Variants in CTNNA2 observed in about 807,000 individuals in gnomAD.
CTNNA2 encodes the protein catenin alpha 2.
In CTNNA2, 42 loss-of-function variants were observed where a neutral mutation model predicts 101.0. The ratio of observed to expected loss-of-function variants is 0.42; its 90% CI spans 0.32 to 0.54. CTNNA2 has a LOEUF of 0.54. Among genes scored for constraint, CTNNA2 ranks in the 20% least tolerant of loss-of-function variants. The probability of loss-of-function intolerance (pLI) is 0.14; values close to 1 mark genes in which losing one functional copy is unlikely to be tolerated. For synonymous variants in CTNNA2, 450 were observed against 456.4 expected (o/e 0.99, Z 0.18); for missense variants, 871 against 1,223.1 (o/e 0.71, Z 4.29).
At chr2:80,075,365 AGCCATTTCACTCT>A (rs1226457514) in intron 7 of CTNNA2, among the ~76,000 whole-genome samples, 1 of 151,812 alleles carries the variant, frequency 6.6e-6, no homozygotes, top group Non-Finnish European at 1.5e-5. Flanking sequence ...CCAACTTACT[AGCCATTTCACTCT>A]TGGCAGTTCA....
At chr2:79,773,424 C>T (rs1454919289) in intron 3 of CTNNA2, among the ~76,000 whole-genome samples, 3 of 152,146 alleles carry the variant, frequency 2.0e-5, no homozygotes, top group South Asian at 2.1e-4. Flanking sequence ...ATATGTCTCC[C>T]GTTCAGAAAT....
chr2:79,243,054 G>A (rs113389217), intron 2 of CTNNA2, among the ~76,000 whole-genome samples: 1,460 of 138,176 alleles, frequency 0.011, 25 homozygotes, highest in African/African-American at 0.038. Context: ...TAAAACAGAC[G>A]CAAAGAAATA....
At chr2:79,303,561 A>G (rs576675500) in intron 2 of CTNNA2, among the ~76,000 whole-genome samples, 6 of 152,174 alleles carry the variant, frequency 3.9e-5, no homozygotes, top group South Asian at 4.2e-4. Flanking sequence ...CCCTCTCACA[A>G]GAAACTTATT....
At chr2:80,470,333 G>C (rs1167380975) in intron 9 of CTNNA2, among the ~76,000 whole-genome samples, 1 of 152,130 alleles carries the variant, frequency 6.6e-6, no homozygotes, top group Non-Finnish European at 1.5e-5. Flanking sequence ...ACAGGGCTGG[G>C]GATGGAAAGG....
chr2:79,631,854 A>G (rs75708438), intron 1 of CTNNA2, among the ~76,000 whole-genome samples: 83 of 152,302 alleles, frequency 5.4e-4, no homozygotes, highest in Middle Eastern at 3.4e-3. Flanking sequence ...TGTGGTTATT[A>G]GTATTGTAAG....
intron 3 of CTNNA2, among the ~76,000 whole-genome samples, chr2:79,752,161 C>T (rs1200988744): frequency 4.0e-5 from 6 of 151,666 alleles, no homozygotes; most frequent in Non-Finnish European, 7.4e-5. Flanking sequence ...AAGTACTTGC[C>T]AATAGAGAGA....
intron 4 of CTNNA2, among the ~76,000 whole-genome samples, chr2:79,469,973 A>T (rs1670980422): frequency 2.0e-5 from 3 of 152,230 alleles, no homozygotes; most frequent in African/African-American, 4.8e-5. Context: ...CTGGCACAAG[A>T]CAGGGATGCC....
chr2:80,421,015 G>A (rs963857212), intron 9 of CTNNA2, among the ~76,000 whole-genome samples: 14 of 152,092 alleles, frequency 9.2e-5, no homozygotes, highest in African/African-American at 2.7e-4. Context: ...CTACATGCTC[G>A]GAGAGTTCAC....
chr2:79,460,450 A>G (rs1366567764), intron 4 of CTNNA2, among the ~76,000 whole-genome samples: 1 of 152,104 alleles, frequency 6.6e-6, no homozygotes, highest in African/African-American at 2.4e-5. Flanking sequence ...CTTTTTATAT[A>G]TTTCTCCTAC....
chr2:79,954,661 A>G (rs905884927), intron 7 of CTNNA2, among the ~76,000 whole-genome samples: 1 of 152,170 alleles, frequency 6.6e-6, no homozygotes, highest in African/African-American at 2.4e-5. Context: ...AACAAAAAGA[A>G]TCTGTGAGTC....
At chr2:79,961,139 A>G (rs6727333) in intron 7 of CTNNA2, among the ~76,000 whole-genome samples, 12,006 of 152,268 alleles carry the variant, frequency 0.079, 1,572 homozygotes, top group African/African-American at 0.27. Context: ...AGGATGTATT[A>G]TATTTAAGAT....
intron 2 of CTNNA2, among the ~76,000 whole-genome samples, chr2:79,724,548 G>A (rs1245227190): frequency 6.6e-6 from 1 of 152,078 alleles, no homozygotes; most frequent in Non-Finnish European, 1.5e-5. Flanking sequence ...TGGCGCGGTG[G>A]CTCACGCCTG....
rs1355855131 is a variant in CTNNA2 at position 79,295,923 on chromosome 2, C to T, written c.-405-16786C>T. The stretch of plus-strand genomic sequence containing the variant: ...TGTGGGGAAATTTTGTTTTCCTCAA[C>T]AAAATTGTGGGGAAATTTTGTTTTC... On this transcript the variant is annotated intron_variant, in intron 2 of 21. Transcript: ENST00000466387. Among the ~76,000 whole-genome samples the T allele has an allele frequency of 2.0e-5, 3 of 152,168 alleles. 1 individual carries two copies. In the East Asian group the frequency reaches 5.8e-4, roughly 30 times the overall value.
chr2:79,475,488 A>G (rs906305107), intron 4 of CTNNA2, among the ~76,000 whole-genome samples: 20 of 152,210 alleles, frequency 1.3e-4, no homozygotes, highest in Admixed American at 1.1e-3. Context: ...AATAAAGCAG[A>G]TTTGATTTGT....
At chr2:80,401,313 G>A (rs1431327176) in intron 8 of CTNNA2, among the ~76,000 whole-genome samples, 2 of 152,078 alleles carry the variant, frequency 1.3e-5, no homozygotes, top group African/African-American at 4.8e-5. Flanking sequence ...TCATCAACTT[G>A]CCTCCATTCT....
intron 18 of CTNNA2, among the ~76,000 whole-genome samples, chr2:80,634,653 A>G (rs2149838616): frequency 6.6e-6 from 1 of 152,252 alleles, no homozygotes; most frequent in African/African-American, 2.4e-5. Context: ...AACGGGGTAA[A>G]GGGTGGGAAG....
At chr2:79,741,360 G>C (rs1054746055) in intron 2 of CTNNA2, among the ~76,000 whole-genome samples, 2 of 151,972 alleles carry the variant, frequency 1.3e-5, no homozygotes, top group African/African-American at 4.8e-5. Context: ...GATATTTTAA[G>C]TTTACAGTAA....
chr2:80,616,526 A>G (rs1352348587), intron 17 of CTNNA2: 1 of 151,748 alleles, frequency 6.6e-6, no homozygotes, highest in Non-Finnish European at 1.5e-5. Context: ...ACAACTTTTT[A>G]TTAACCTCAA....
At chr2:79,888,604 T>A (rs1215395829) in intron 6 of CTNNA2, among the ~76,000 whole-genome samples, 1 of 152,210 alleles carries the variant, frequency 6.6e-6, no homozygotes, top group Non-Finnish European at 1.5e-5. Flanking sequence ...TACTTTTTTT[T>A]ATAATTGCAA....
Sources: allele counts gnomAD v4.1 joint callset (sites outside exome capture counted in the v4.1 genomes callset), GRCh38; gene constraint gnomAD v4.1.1; transcripts MANE v1.5; gene names NCBI Gene and HGNC (gene_info 2026-07-23, HGNC 2026-07-21).